Variants in LRRC4C observed in about 807,000 individuals in gnomAD.
The protein encoded by LRRC4C is leucine rich repeat containing 4C.
In LRRC4C, 5 loss-of-function variants were observed where a neutral mutation model predicts 33.6. The ratio of observed to expected loss-of-function variants is 0.15; its 90% CI spans 0.08 to 0.31. LRRC4C has a LOEUF of 0.31. LRRC4C is among the 10% of genes least tolerant of loss of function. LRRC4C has a pLI of 1.00. For missense variants in LRRC4C, 560 were observed against 796.7 expected (o/e 0.70, Z 3.58); for synonymous variants, 329 against 302.0 (o/e 1.09, Z -0.93).
chr11:40,627,220 T>C (rs1287592867), intron 3 of LRRC4C, among the ~76,000 whole-genome samples: 2 of 151,296 alleles, frequency 1.3e-5, no homozygotes, highest in African/African-American at 4.9e-5. Context: ...TACCTACCAA[T>C]ATTTCACTTC....
intron 2 of LRRC4C, among the ~76,000 whole-genome samples, chr11:40,804,123 A>G (rs1435023228): frequency 6.6e-6 from 1 of 152,120 alleles, no homozygotes; most frequent in African/African-American, 2.4e-5. Flanking sequence ...TACTAATTTT[A>G]GTAAAAATGG....
chr11:40,980,809 A>G (rs1852465007), intron 1 of LRRC4C, among the ~76,000 whole-genome samples: 1 of 152,208 alleles, frequency 6.6e-6, no homozygotes, highest in Non-Finnish European at 1.5e-5. Flanking sequence ...TGATATATTC[A>G]AAAGATGTTG....
At chr11:40,868,937 C>T (rs568171972) in intron 2 of LRRC4C, among the ~76,000 whole-genome samples, 4 of 152,164 alleles carry the variant, frequency 2.6e-5, no homozygotes, top group African/African-American at 7.2e-5. Flanking sequence ...CTCAGAGACA[C>T]GACATTTATT....
intron 4 of LRRC4C, among the ~76,000 whole-genome samples, chr11:40,297,345 A>T (rs1264857956): frequency 6.6e-6 from 1 of 152,220 alleles, no homozygotes; most frequent in Admixed American, 6.5e-5. Context: ...AATCGTATCA[A>T]GCTTGCCTGT....
chr11:40,902,768 C>A (rs1015572729), intron 2 of LRRC4C, among the ~76,000 whole-genome samples: 1 of 152,106 alleles, frequency 6.6e-6, no homozygotes, highest in African/African-American at 2.4e-5. Context: ...CTAACCCATA[C>A]CTAGGCTCTA....
intron 2 of LRRC4C, among the ~76,000 whole-genome samples, chr11:40,745,993 AC>A (rs1388543688): frequency 1.3e-5 from 2 of 152,218 alleles, no homozygotes; most frequent in Non-Finnish European, 2.9e-5. Flanking sequence ...GTAGGTAATC[AC>A]ACTTCAAATA....
chr11:40,847,703 A>G (rs896312836), intron 2 of LRRC4C, among the ~76,000 whole-genome samples: 1 of 151,946 alleles, frequency 6.6e-6, no homozygotes, highest in African/African-American at 2.4e-5. Context: ...CATTGTTGGA[A>G]ATAGTCTCAG....
intron 3 of LRRC4C, among the ~76,000 whole-genome samples, chr11:40,437,717 T>C (rs922959693): frequency 6.6e-6 from 1 of 151,752 alleles, no homozygotes; most frequent in African/African-American, 2.4e-5. Context: ...TCCTTTTCTT[T>C]TTATGTTTTC....
intron 3 of LRRC4C, among the ~76,000 whole-genome samples, chr11:40,511,081 T>C (rs1240918346): frequency 6.6e-6 from 1 of 152,166 alleles, no homozygotes; most frequent in Non-Finnish European, 1.5e-5. Flanking sequence ...TCTTAGGCAA[T>C]ATCTCTTAAA....
chr11:40,639,742 C>T (rs969396566), intron 3 of LRRC4C, among the ~76,000 whole-genome samples: 1 of 152,084 alleles, frequency 6.6e-6, no homozygotes, highest in Non-Finnish European at 1.5e-5. Context: ...GCGATATTTC[C>T]CTGTATTTGC....
chr11:40,541,746 T>C (rs1315868380), intron 3 of LRRC4C, among the ~76,000 whole-genome samples: 2 of 152,134 alleles, frequency 1.3e-5, no homozygotes, highest in Non-Finnish European at 2.9e-5. Context: ...CACTCAATCA[T>C]CTCTGTATCT....
At chr11:40,539,915 G>A (rs547740644) in intron 3 of LRRC4C, among the ~76,000 whole-genome samples, 8 of 152,158 alleles carry the variant, frequency 5.3e-5, no homozygotes, top group Non-Finnish European at 8.8e-5. Context: ...TAATCTATTT[G>A]AACAATTACA....
chr11:41,375,938 A>G (rs1262265757), intron 1 of LRRC4C, among the ~76,000 whole-genome samples: 3 of 151,990 alleles, frequency 2.0e-5, no homozygotes, highest in African/African-American at 7.2e-5. Flanking sequence ...GCAAGAGATG[A>G]TGATGGATAG....
chr11:40,978,474 A>C lies in LRRC4C; in HGVS notation c.-495-44751T>G, dbSNP rs990780013. 1.3e-4 allele frequency among the ~76,000 whole-genome samples: 20 copies of C among 152,318 alleles called. No individual in the cohort carries two copies. In the East Asian group the frequency reaches 2.5e-3, roughly 19 times the overall value. ...GGTCAAGAGTATGCTACTGTTTTCT[A>C]GTAGGTAGAGACCAGGGATATTGCT... is the stretch of plus-strand genomic sequence containing the variant. On this transcript the variant is annotated intron_variant, in intron 1 of 6. Transcript: ENST00000528697.
chr11:40,163,496 G>A (rs1859335562), intron 5 of LRRC4C, among the ~76,000 whole-genome samples: 1 of 152,056 alleles, frequency 6.6e-6, no homozygotes, highest in Non-Finnish European at 1.5e-5. Context: ...AACCATGGCT[G>A]ATTTTAATTT....
intron 1 of LRRC4C, among the ~76,000 whole-genome samples, chr11:41,441,108 A>G (rs1955604000): frequency 6.6e-6 from 1 of 152,182 alleles, no homozygotes; most frequent in Non-Finnish European, 1.5e-5. Flanking sequence ...GACTAAAGAA[A>G]TGCAACACTG....
chr11:41,218,280 TTTAC>T (rs1404322520), intron 1 of LRRC4C, among the ~76,000 whole-genome samples: 5 of 152,200 alleles, frequency 3.3e-5, no homozygotes, highest in African/African-American at 1.2e-4. Flanking sequence ...TTCAACTTAC[TTTAC>T]TTAAGAATCA....
rs566735435 is a variant in LRRC4C at position 40,270,710 on chromosome 11, A to C, written c.-175-29112T>G. Among the ~76,000 whole-genome samples, 36 of 152,188 alleles carry C rather than the reference A, an allele frequency of 2.4e-4. 1 individual carries two copies. In the South Asian group the frequency reaches 7.3e-3, roughly 31 times the overall value. ...TAGAGGTGAAGAGATGAACAGGGGGATTACTGACTTCTATTTTCACACAGT... is the reference window on the plus strand; with the variant it reads ...TAGAGGTGAAGAGATGAACAGGGGGCTTACTGACTTCTATTTTCACACAGT... On this transcript the variant is annotated intron_variant, in intron 4 of 6. Transcript: ENST00000528697.
At chr11:40,431,111 A>T (rs1233821358) in intron 3 of LRRC4C, among the ~76,000 whole-genome samples, 2 of 151,104 alleles carry the variant, frequency 1.3e-5, no homozygotes, top group African/African-American at 4.9e-5. Flanking sequence ...AAAAAAAAAA[A>T]AAAATAAATT....
Sources: allele counts gnomAD v4.1 joint callset (sites outside exome capture counted in the v4.1 genomes callset), GRCh38; gene constraint gnomAD v4.1.1; transcripts MANE v1.5; gene names NCBI Gene and HGNC (gene_info 2026-07-23, HGNC 2026-07-21).